Variants in CEACAM20 observed in about 807,000 individuals in gnomAD.
The protein encoded by CEACAM20 is cell adhesion molecule CEACAM20.
In CEACAM20, 50 loss-of-function variants were observed where a neutral mutation model predicts 61.2. The ratio of observed to expected loss-of-function variants is 0.82; its 90% CI spans 0.65 to 1.03. The LOEUF (loss-of-function observed/expected upper bound fraction) is 1.03, where lower values mean the gene tolerates loss of function less well. Among genes scored for constraint, CEACAM20 ranks in the 50% least tolerant of loss-of-function variants. The pLI is 0.00. For synonymous variants in CEACAM20, 282 were observed against 287.7 expected (o/e 0.98, Z 0.20); for missense variants, 683 against 736.4 (o/e 0.93, Z 0.84).
chr19:44,516,229 A>T (rs980044348), intron 6 of CEACAM20, among the ~76,000 whole-genome samples: 5 of 152,178 alleles, frequency 3.3e-5, no homozygotes, highest in Admixed American at 3.3e-4. Context: ...TGTTATTAAC[A>T]TCATTTCCGA....
intron 4 of CEACAM20, among the ~76,000 whole-genome samples, 182 bp from the exon 5 acceptor site, chr19:44,520,934 G>A (rs1971346172): frequency 6.6e-6 from 1 of 152,054 alleles, no homozygotes; most frequent in African/African-American, 2.4e-5. Flanking sequence ...TTTTGTGGAT[G>A]AATGTGTGTC....
intron 6 of CEACAM20, among the ~76,000 whole-genome samples, chr19:44,516,513 G>T (rs968841724): frequency 6.6e-6 from 1 of 152,084 alleles, no homozygotes; most frequent in Non-Finnish European, 1.5e-5. Flanking sequence ...CCTTTTGCTT[G>T]GTTCTCATTC....
At position 44,528,956 on chromosome 19, in the gene CEACAM20, CTT is replaced by C. The variant is rs71171255; in HGVS notation, c.52+500_52+501del. ...TATTTCTGTATTTCTCTCTTTCTTT[CTT>C]TTTTTTTTTTTTTTTTTTGAGACAG... On this transcript the variant is annotated intron_variant, in intron 1 of 11. Transcript: ENST00000614924. Among the ~76,000 whole-genome samples the C allele has an allele frequency of 1.6e-3, 148 of 92,600 alleles. 1 individual carries two copies. The highest frequency in any genetic ancestry group is 5.2e-3 in the Admixed American group (36 of 6,932). 60.7% of individuals were successfully genotyped at this position (92,600 alleles called of 152,430 possible). A position where few individuals can be genotyped will look rare whatever the true frequency, so the allele number is the denominator to read the frequency against.
At chr19:44,512,554 T>C (rs1047230696) in intron 8 of CEACAM20, among the ~76,000 whole-genome samples, 6 of 152,224 alleles carry the variant, frequency 3.9e-5, no homozygotes, top group African/African-American at 1.4e-4. Flanking sequence ...TGGATTTGGA[T>C]TCAGCAGGAA....
At chr19:44,510,547 G>A (rs57991542) in intron 11 of CEACAM20, among the ~76,000 whole-genome samples, 4,103 of 51,844 alleles carry the variant, frequency 0.079, 101 homozygotes, top group Middle Eastern at 0.23. Context: ...AAGGAAGGAA[G>A]GAAAGAAAGA....
chr19:44,518,079 G>GA (rs1555743403), intron 5 of CEACAM20, among the ~76,000 whole-genome samples: 10,846 of 116,964 alleles, frequency 0.093, 2,106 homozygotes, highest in African/African-American at 0.22. Flanking sequence ...CAAAAGGAAA[G>GA]AGGAAAGAAA....
intron 9 of CEACAM20, among the ~76,000 whole-genome samples, 158 bp from the exon 10 acceptor site, chr19:44,511,830 G>A (rs574442833): frequency 2.0e-5 from 3 of 152,208 alleles, no homozygotes; most frequent in South Asian, 2.1e-4. Flanking sequence ...ATAAGAAGAC[G>A]AGGAGAAGAG....
At chr19:44,524,976 A>T in intron 2 of CEACAM20, 125 bp downstream of exon 2, 1 of 1,199,404 alleles carries the variant, frequency 8.3e-7, no homozygotes, top group Non-Finnish European at 1.2e-6. Context: ...TGACTGAACC[A>T]GTTGTTGCTG....
chr19:44,514,805 T>C (rs1320776271), intron 6 of CEACAM20, among the ~76,000 whole-genome samples: 2 of 151,244 alleles, frequency 1.3e-5, no homozygotes, highest in Non-Finnish European at 2.9e-5. Flanking sequence ...AATTCCAAAC[T>C]CTATAGACTT....
chr19:44,518,095 AAAGAAAGAAAGGAAGGAAGG>A (rs1568452698), intron 5 of CEACAM20, among the ~76,000 whole-genome samples: 1 of 110,560 alleles, frequency 9.0e-6, no homozygotes, highest in Non-Finnish European at 1.7e-5. Context: ...AGAAAGAAAG[AAAGAAAGAAAGGAAGGAAGG>A]AAGGAAGGAA....
chr19:44,529,411 G>T, intron 1 of CEACAM20, 47 bp downstream of exon 1: 2 of 1,455,848 alleles, frequency 1.4e-6, no homozygotes, highest in Non-Finnish European at 1.9e-6. Context: ...ACAAATAGAT[G>T]CATACAACCT....
chr19:44,506,188 A>G lies in CEACAM20; in HGVS notation c.1764T>C (p.Thr588=), dbSNP rs112372603. 2,133 of 1,613,848 alleles carry G rather than the reference A, an allele frequency of 1.3e-3. 28 individuals carry two copies. In the African/African-American group the frequency reaches 0.024, roughly 18 times the overall value. Residue 588 remains threonine (T), a synonymous_variant, in exon 12 of 12, where the codon ACT becomes ACC. Coordinates refer to ENST00000614924, the MANE Select transcript of CEACAM20 (RefSeq NM_001102597.3). ...YEELVNPEPN[T]YIQINPSV ...AGACGGAGGGGTTGATTTGGATGTA[A>G]GTGTTGGGCTCTGGATTCACAAGCT...
chr19:44,519,251 G>A (rs1490686232), intron 5 of CEACAM20, among the ~76,000 whole-genome samples: 1 of 152,070 alleles, frequency 6.6e-6, no homozygotes, highest in Non-Finnish European at 1.5e-5. Flanking sequence ...ATCATGCTAT[G>A]TTTTATCTGC....
Position 44,512,120 on chromosome 19 carries a change from A to G in CEACAM20, c.1514-42T>C, listed in dbSNP as rs1166098868. 5 of 1,506,202 alleles carry G rather than the reference A, an allele frequency of 3.3e-6. No individual in the cohort carries two copies. The African/African-American group carries it at 6.8e-5, about 21-fold the overall frequency. The allele number at this position is 1,506,202 out of a possible 1,614,324, so 93.3% of individuals were successfully genotyped here. A position where few individuals can be genotyped will look rare whatever the true frequency, so the allele number is the denominator to read the frequency against. ...TCAGTCAGGAGCTGGAGTTCGAAAGAGATATGGGGCAAGGGGCTGTTTTTC... is the reference window on the plus strand; with the variant it reads ...TCAGTCAGGAGCTGGAGTTCGAAAGGGATATGGGGCAAGGGGCTGTTTTTC... On this transcript the variant is annotated intron_variant, in intron 8 of 11. Coordinates refer to ENST00000614924, the MANE Select transcript of CEACAM20 (RefSeq NM_001102597.3).
chr19:44,527,937 G>A (rs563787243), intron 1 of CEACAM20, among the ~76,000 whole-genome samples: 10 of 152,116 alleles, frequency 6.6e-5, no homozygotes, highest in East Asian at 5.8e-4. Flanking sequence ...ATCCTGATCC[G>A]TGGACCTGGC....
chr19:44,528,485 A>T (rs964423968), intron 1 of CEACAM20, among the ~76,000 whole-genome samples: 1 of 152,040 alleles, frequency 6.6e-6, no homozygotes, highest in Non-Finnish European at 1.5e-5. Flanking sequence ...TGGCCCCCCA[A>T]AGTGCTGGGA....
At chr19:44,513,930 T>C (rs1234822890) in intron 6 of CEACAM20, among the ~76,000 whole-genome samples, 1 of 152,210 alleles carries the variant, frequency 6.6e-6, no homozygotes, top group Non-Finnish European at 1.5e-5. Context: ...ATTTTCTATA[T>C]ATATAGTGTT....
intron 5 of CEACAM20, among the ~76,000 whole-genome samples, chr19:44,518,151 GAAGGAAGGAAGGAAGGAAGA>G (rs1971242517): frequency 1.3e-5 from 1 of 78,910 alleles, no homozygotes; most frequent in Non-Finnish European, 2.6e-5. Flanking sequence ...AGGAAGGAAG[GAAGGAAGGAAGGAAGGAAGA>G]AAGCAGGCAG....
At chr19:44,520,907 C>T (rs188927907) in intron 4 of CEACAM20, among the ~76,000 whole-genome samples, 155 bp from the exon 5 acceptor site, 83 of 151,586 alleles carry the variant, frequency 5.5e-4, no homozygotes, top group Admixed American at 2.6e-3. Flanking sequence ...TGCTGGTGTG[C>T]GGGGTACGTG....
Sources: gnomAD v4.1 joint callset for allele counts (sites outside exome capture counted in the v4.1 genomes callset) on GRCh38, gnomAD v4.1.1 for gene constraint, MANE v1.5 for transcripts, NCBI Gene and HGNC (gene_info 2026-07-23, HGNC 2026-07-21) for gene names.